The following PAPLN variants were observed in gnomAD, a reference collection of about 807,000 sequenced individuals.
The protein encoded by PAPLN is papilin, proteoglycan like sulfated glycoprotein.
In PAPLN, 146 loss-of-function variants were observed where a neutral mutation model predicts 159.0. The observed-to-expected ratio is 0.92, with a 90% CI of 0.80 to 1.05. The LOEUF is 1.05. Among genes scored for constraint, PAPLN ranks in the 50% least tolerant of loss-of-function variants. The pLI is 0.00. For synonymous variants in PAPLN, 734 were observed against 702.9 expected (o/e 1.04, Z -0.70); for missense variants, 1,720 against 1,743.9 (o/e 0.99, Z 0.24).
At chr14:73,259,109 T>A (rs1886261447) in intron 15 of PAPLN, 50 bp downstream of exon 15, 1 of 1,573,200 alleles carries the variant, frequency 6.4e-7, no homozygotes. Context: ...TTTTTGTGTC[T>A]GAGTGGATGG....
At chr14:73,263,315 T>C (rs1471438269) in intron 19 of PAPLN, 2 of 454,516 alleles carry the variant, frequency 4.4e-6, no homozygotes, top group Non-Finnish European at 4.0e-6. Context: ...GTGTTCCACA[T>C]GGGTCGAGCG....
Position 73,272,487 on chromosome 14 carries a change from T to C in PAPLN, c.3668-8T>C. On this transcript the variant is annotated splice_region_variant and splice_polypyrimidine_tract_variant and intron_variant, in intron 26 of 26. Coordinates refer to ENST00000644200, the MANE Select transcript of PAPLN (RefSeq NM_001365906.3). The stretch of plus-strand genomic sequence containing the variant: ...TCACCACCTTCTCTCTCCCCTGTCG[T>C]TCTGCAGCACCCACCGCCCAGCCCA... 1 of 1,509,536 alleles carries C rather than the reference T, an allele frequency of 6.6e-7. No homozygotes were observed. 93.5% of individuals were successfully genotyped at this position (1,509,536 alleles called of 1,614,324 possible). A position where few individuals can be genotyped will look rare whatever the true frequency, so the allele number is the denominator to read the frequency against.
intron 5 of PAPLN, among the ~76,000 whole-genome samples, chr14:73,246,514 CGA>C (rs1884367161): frequency 6.6e-6 from 1 of 150,472 alleles, no homozygotes; most frequent in Non-Finnish European, 1.5e-5. Context: ...AGAGGTCCCT[CGA>C]GAGAGAGCAA....
rs769079646 is a variant in PAPLN, at chr14:73,247,796, C to CTGTGTGTG, written c.334+1621_334+1622insTGTGTGTG. 4.9e-4 allele frequency among the ~76,000 whole-genome samples: 30 copies of CTGTGTGTG among 60,622 alleles called. 7 individuals carry two copies. The highest frequency in any genetic ancestry group is 1.5e-3 in the East Asian group (3 of 2,000). The allele number at this position is 60,622 out of a possible 152,430, so 39.8% of individuals were successfully genotyped here. On this transcript the variant is annotated intron_variant, in intron 5 of 26. Coordinates refer to ENST00000644200, the MANE Select transcript of PAPLN (RefSeq NM_001365906.3). ...CGTGGCCCAGTGGGAGTCTCTTATC[C>CTGTGTGTG]CGTGTGTGTGTGTGTGTGTGTGTGT...
intron 7 of PAPLN, 49 bp from the exon 8 acceptor site, chr14:73,251,437 C>A (rs763342950): frequency 1.3e-6 from 2 of 1,550,268 alleles, no homozygotes; most frequent in South Asian, 1.1e-5. Flanking sequence ...TGAGTGGTGC[C>A]GGGAGAGGGA....
chr14:73,244,799 GC>G, intron 3 of PAPLN, 40 bp downstream of exon 3: 1 of 1,451,890 alleles, frequency 6.9e-7, no homozygotes, highest in Non-Finnish European at 9.3e-7. Flanking sequence ...TAAAGCAGGA[GC>G]AGGGGATGCT....
At chr14:73,238,706 G>A (rs1883221043) in intron 1 of PAPLN, among the ~76,000 whole-genome samples, 1 of 152,186 alleles carries the variant, frequency 6.6e-6, no homozygotes, top group Non-Finnish European at 1.5e-5. Flanking sequence ...TCTCGAACTT[G>A]ACCACGAAAA....
Position 73,262,472 on chromosome 14 carries a change from A to G in PAPLN, c.2368A>G (p.Asn790Asp). ...NRFWYGGCHG[N>D]ANNFASEQEC... is the part of the protein sequence containing the mutation. ...CTTCTGGTATGGCGGCTGCCATGGC[A>G]ATGCCAATAACTTTGCCTCGGAGCA... Residue 790 changes from asparagine (N) to aspartate (D), a missense_variant, in exon 19 of 27, where the codon AAT (asparagine) becomes GAT (aspartate). Asn to Asp is a conservative substitution (Grantham distance 23). Transcript: ENST00000644200. The G allele has an allele frequency of 6.2e-7, 1 of 1,608,978 alleles. No individual in the cohort carries two copies. The highest frequency in any genetic ancestry group is 1.7e-5 in the Admixed American group (1 of 58,994).
intron 2 of PAPLN, chr14:73,243,825 T>C (rs960507342): frequency 1.3e-5 from 2 of 152,242 alleles, no homozygotes; most frequent in African/African-American, 2.4e-5. Flanking sequence ...GGGTCAGAAG[T>C]CTGGGGCTAT....
At chr14:73,263,416 C>T (rs1886802457) in intron 19 of PAPLN, 2 of 597,136 alleles carry the variant, frequency 3.3e-6, no homozygotes, top group Admixed American at 3.0e-5. Context: ...GTTGCTGCTA[C>T]AAGAACAGGT....
intron 6 of PAPLN, 60 bp from the exon 7 acceptor site, chr14:73,250,847 G>T: frequency 1.3e-6 from 2 of 1,533,626 alleles, no homozygotes; most frequent in Non-Finnish European, 8.8e-7. Context: ...ATGCGACGGG[G>T]CCCAAGGCCT....
At chr14:73,264,162 T>C (rs775233697) in intron 20 of PAPLN, 49 bp from the exon 21 acceptor site, 1 of 1,609,850 alleles carries the variant, frequency 6.2e-7, no homozygotes, top group South Asian at 1.1e-5. Flanking sequence ...AGACTCACTG[T>C]TGCCCTTGGG....
At position 73,259,296 on chromosome 14, in the gene PAPLN, A is replaced by G. The variant is rs1234756647; in HGVS notation, c.1736A>G (p.Gln579Arg). ...SDSRGQWWAA[Q>R]EHPSARGDHR... ...TCCAGAGGCCAGTGGTGGGCAGCCC[A>G]GGAACACCCCTCAGCCAGGGGTGAC... is the stretch of plus-strand genomic sequence containing the variant. The change falls in exon 16 of 27, where the codon CAG becomes CGG. Residue 579 changes from glutamine to arginine, a missense_variant. Gln to Arg is a conservative substitution (Grantham distance 43, BLOSUM62 1). Transcript: ENST00000644200. 1 of 1,579,680 alleles carries G rather than the reference A, an allele frequency of 6.3e-7. No homozygotes were observed. Among genetic ancestry groups the G allele is most frequent in the Non-Finnish European group, 8.6e-7 (1 of 1,160,314 alleles).
At chr14:73,269,546 T>C (rs1222003323) in intron 26 of PAPLN, among the ~76,000 whole-genome samples, 1 of 152,146 alleles carries the variant, frequency 6.6e-6, no homozygotes, top group African/African-American at 2.4e-5. Context: ...TAAGTGCATA[T>C]CAGAACTGAT....
At position 73,266,440 on chromosome 14, in the gene PAPLN, G is replaced by A. The variant is rs974593860; in HGVS notation, c.3264-61G>A. 2.4e-5 allele frequency: 38 copies of A among 1,590,326 alleles called. No homozygotes were observed. The Middle Eastern group carries it at 5.5e-4, about 23-fold the overall frequency. ...CTCCCTGACCCCATGCTCGAGGGAC[G>A]GAGCTGGAGGAGAGGGGAGGCTCCT... is the stretch of plus-strand genomic sequence containing the variant. On this transcript the variant is annotated intron_variant, in intron 23 of 26. Coordinates refer to ENST00000644200, the MANE Select transcript of PAPLN (RefSeq NM_001365906.3).
intron 10 of PAPLN, among the ~76,000 whole-genome samples, 170 bp from the exon 11 acceptor site, chr14:73,252,479 T>A (rs1202223230): frequency 6.6e-6 from 1 of 152,080 alleles, no homozygotes; most frequent in Non-Finnish European, 1.5e-5. Flanking sequence ...CCTCAGAGCC[T>A]CAGTTTCCTC....
At position 73,251,484 on chromosome 14, in the gene PAPLN, A is replaced by C; in HGVS notation, c.590-2A>C. The C allele has an allele frequency of 6.2e-7, 1 of 1,605,174 alleles. No homozygotes were observed. Among genetic ancestry groups the C allele is most frequent in the Admixed American group, 1.7e-5 (1 of 60,010 alleles). Reference sequence around the variant, plus strand: ...ACCCAGCACCTGCGTCTCTGCCCCCAGGCTACAACCAGATCCTCATAGTTC... The same window carrying C: ...ACCCAGCACCTGCGTCTCTGCCCCCCGGCTACAACCAGATCCTCATAGTTC... On this transcript the variant is annotated splice_acceptor_variant, in intron 7 of 26. Transcript: ENST00000644200. LOFTEE classifies it high-confidence loss of function.
rs1886547649 is a variant in PAPLN at position 73,261,258 on chromosome 14, C to G, written c.2209C>G (p.Pro737Ala). Reference protein sequence around the residue: ...CYDNVATAAGPLGEGCVGQPS... With the variant: ...CYDNVATAAGALGEGCVGQPS... ...TGACAACGTGGCCACTGCAGCCGGT[C>G]CTCTTGGGGAAGGCTGTGTGGGCCA... The change falls in exon 18 of 27, where the codon CCT (proline) becomes GCT (alanine). Residue 737 changes from proline to alanine, a missense_variant. Coordinates refer to ENST00000644200, the MANE Select transcript of PAPLN (RefSeq NM_001365906.3). 6 of 1,613,742 alleles carry G rather than the reference C, an allele frequency of 3.7e-6. No individual in the cohort carries two copies. The highest frequency in any genetic ancestry group is 5.1e-6 in the Non-Finnish European group (6 of 1,180,016).
In PAPLN at chr14:73,239,797, G is replaced by T. The variant is rs766692278; in HGVS notation, c.19G>T (p.Val7Leu). ...GGCTGAGATGCGGCTGCTCCTGCTC[G>T]TGCCGCTGCTGCTGGCTCCAGCGCC... Reference protein sequence around the residue: MRLLLLVPLLLAPAPGS... With the variant: MRLLLLLPLLLAPAPGS... The change falls in exon 2 of 27, where the codon GTG (valine) becomes TTG (leucine). Residue 7 changes from valine to leucine, a missense_variant. Physicochemically the swap from Val to Leu is conservative, Grantham distance 32. Transcript: ENST00000644200. The T allele has an allele frequency of 1.9e-6, 3 of 1,594,298 alleles. No homozygotes were observed. Among genetic ancestry groups the T allele is most frequent in the Admixed American group, 1.7e-5 (1 of 59,220 alleles).
Sources: gnomAD v4.1 joint callset for allele counts (sites outside exome capture counted in the v4.1 genomes callset) on GRCh38, gnomAD v4.1.1 for gene constraint, MANE v1.5 for transcripts, NCBI Gene and HGNC (gene_info 2026-07-23, HGNC 2026-07-21) for gene names.